The following TENM3 variants were observed in gnomAD, a reference collection of about 807,000 sequenced individuals.
The protein encoded by TENM3 is teneurin-3.
A neutral mutation model predicts 255.1 loss-of-function variants in TENM3; 63 were observed. The observed-to-expected ratio is 0.25, with a 90% CI of 0.20 to 0.30. TENM3 has a LOEUF of 0.30. Ranked by LOEUF, TENM3 falls within the 10% of genes least tolerant of loss-of-function variation. TENM3 has a pLI of 1.00. For synonymous variants in TENM3, 1,306 were observed against 1,322.3 expected, an observed-to-expected ratio of 0.99 and a Z score of 0.27; for missense variants, 2,929 against 3,461.1, an observed-to-expected ratio of 0.85 and a Z score of 3.86.
chr4:182,795,306 C>G (rs1008940614), intron 26 of TENM3, among the ~76,000 whole-genome samples: 4 of 152,324 alleles, frequency 2.6e-5, no homozygotes, highest in African/African-American at 9.6e-5. Context: ...CTGATTTTCA[C>G]TGTTATGCAG....
intron 16 of TENM3, 59 bp from the exon 17 acceptor site, chr4:182,736,749 A>G (rs149904928): frequency 1.6e-5 from 23 of 1,446,782 alleles, no homozygotes; most frequent in Middle Eastern, 3.6e-4. Flanking sequence ...ACATAAATAT[A>G]TTTTATCTAA....
chr4:181,975,499 G>A, the TENM3 span: 1 of 152,158 alleles, frequency 6.6e-6, no homozygotes, highest in Non-Finnish European at 1.5e-5. Flanking sequence ...AACTGTTGGT[G>A]GACACTTAGG....
chr4:181,978,977 GAAA>G, the TENM3 span, among the ~76,000 whole-genome samples: 1 of 129,400 alleles, frequency 7.7e-6, no homozygotes. Flanking sequence ...TTGCTTAAGT[GAAA>G]AAAAAAAAAA....
At chr4:181,824,493 G>A in the TENM3 span, among the ~76,000 whole-genome samples, 10 of 152,158 alleles carry the variant, frequency 6.6e-5, no homozygotes, top group African/African-American at 1.4e-4. Flanking sequence ...TAGTGATATA[G>A]CACTATGTAG....
rs182289415 is a variant in TENM3 at position 182,572,462 on chromosome 4, T to C, written c.512-28462T>C. Reference sequence around the variant, plus strand: ...TGAGTCACTTACTTCAGTACCGTCATGGTAAACTCAGGCACAAGTCTACAT... The same window carrying C: ...TGAGTCACTTACTTCAGTACCGTCACGGTAAACTCAGGCACAAGTCTACAT... On this transcript the variant is annotated intron_variant, in intron 3 of 27. Transcript: ENST00000511685. 3.9e-3 allele frequency among the ~76,000 whole-genome samples: 592 copies of C among 152,322 alleles called. 3 individuals carry two copies. The highest frequency in any genetic ancestry group is 0.013 in the African/African-American group (553 of 41,558).
At chr4:181,962,146 A>G in the TENM3 span, among the ~76,000 whole-genome samples, 4 of 152,234 alleles carry the variant, frequency 2.6e-5, no homozygotes, top group Non-Finnish European at 5.9e-5. Context: ...TAGCTAACAT[A>G]AATTAGACAT....
At chr4:182,617,002 T>C (rs1185346311) in intron 4 of TENM3, among the ~76,000 whole-genome samples, 1 of 152,232 alleles carries the variant, frequency 6.6e-6, no homozygotes, top group East Asian at 1.9e-4. Flanking sequence ...TTTGAACACA[T>C]TGCTAAATAT....
chr4:182,003,180 CT>C, the TENM3 span, among the ~76,000 whole-genome samples: 1 of 152,110 alleles, frequency 6.6e-6, no homozygotes, highest in Admixed American at 6.6e-5. Flanking sequence ...CCCACATTTA[CT>C]TTCTTGTAGT....
chr4:181,788,740 G>A, the TENM3 span, among the ~76,000 whole-genome samples: 4 of 152,170 alleles, frequency 2.6e-5, no homozygotes, highest in African/African-American at 9.7e-5. Flanking sequence ...CTATACTACA[G>A]GCACACAGCA....
the TENM3 span, among the ~76,000 whole-genome samples, chr4:181,452,277 T>C: frequency 2.6e-5 from 4 of 152,152 alleles, no homozygotes; most frequent in East Asian, 3.8e-4. Context: ...AATAGGAATG[T>C]GTATGGGAAA....
At chr4:181,799,451 C>T in the TENM3 span, among the ~76,000 whole-genome samples, 3 of 152,092 alleles carry the variant, frequency 2.0e-5, no homozygotes, top group Non-Finnish European at 4.4e-5. Flanking sequence ...AATAAGTTGG[C>T]GGATATGCCA....
chr4:182,421,342 A>G (rs1169455020), intron 3 of TENM3, among the ~76,000 whole-genome samples: 2 of 152,310 alleles, frequency 1.3e-5, no homozygotes, highest in East Asian at 1.9e-4. Flanking sequence ...ACGTCACTCA[A>G]GTAAGCTAAT....
chr4:181,648,031 T>C, the TENM3 span, among the ~76,000 whole-genome samples: 29,518 of 151,992 alleles, frequency 0.19, 3,189 homozygotes, highest in Non-Finnish European at 0.23. Flanking sequence ...ACGCTGCTGA[T>C]TACCAGCTGG....
chr4:182,505,487 TA>T (rs1347062538), intron 3 of TENM3, among the ~76,000 whole-genome samples: 1 of 152,136 alleles, frequency 6.6e-6, no homozygotes, highest in African/African-American at 2.4e-5. Flanking sequence ...CTATTACTAT[TA>T]TTTTTTTGAG....
At chr4:181,753,871 T>G in the TENM3 span, among the ~76,000 whole-genome samples, 1 of 152,308 alleles carries the variant, frequency 6.6e-6, no homozygotes, top group Non-Finnish European at 1.5e-5. Flanking sequence ...GGAGGGACTA[T>G]GTAAGTCTGT....
At chr4:182,466,340 T>C (rs1732589164) in intron 3 of TENM3, among the ~76,000 whole-genome samples, 1 of 152,270 alleles carries the variant, frequency 6.6e-6, no homozygotes, top group East Asian at 1.9e-4. Flanking sequence ...TTCCAACTTC[T>C]GGTTGCCCAG....
At chr4:182,787,625 T>C (rs1351835577) in intron 24 of TENM3, among the ~76,000 whole-genome samples, 1 of 150,090 alleles carries the variant, frequency 6.7e-6, no homozygotes, top group Non-Finnish European at 1.5e-5. Flanking sequence ...TCCCAGCTAC[T>C]CGGGAGGCTG....
chr4:182,555,833 CT>C (rs796616091), intron 3 of TENM3, among the ~76,000 whole-genome samples: 379 of 146,624 alleles, frequency 2.6e-3, no homozygotes, highest in African/African-American at 8.2e-3. Flanking sequence ...TCTGGAATTA[CT>C]TTTTTTTTTT....
chr4:182,163,498 A>G (rs1751498777), intron 1 of TENM3, among the ~76,000 whole-genome samples: 1 of 152,146 alleles, frequency 6.6e-6, no homozygotes, highest in South Asian at 2.1e-4. Flanking sequence ...TCTCTGTGAA[A>G]TTGTCCTTGA....
Sources: gnomAD v4.1 joint callset for allele counts (sites outside exome capture counted in the v4.1 genomes callset) on GRCh38, gnomAD v4.1.1 for gene constraint, MANE v1.5 for transcripts, NCBI Gene and HGNC (gene_info 2026-07-23, HGNC 2026-07-21) for gene names.